Variants in THSD7A observed in about 807,000 individuals in gnomAD.
The protein encoded by THSD7A is thrombospondin type-1 domain-containing protein 7A.
A neutral mutation model predicts 231.3 loss-of-function variants in THSD7A; 96 were observed. That is an observed-to-expected ratio of 0.41 (90% CI 0.35 to 0.49). The LOEUF is 0.49. THSD7A is among the 20% of genes least tolerant of loss of function. THSD7A has a pLI of 0.05. For missense variants in THSD7A, 2,290 were observed against 2,070.2 expected (o/e 1.11, Z -2.06); for synonymous variants, 940 against 743.3 (o/e 1.26, Z -4.30).
chr7:11,629,141 C>A (rs1237209275), intron 2 of THSD7A, among the ~76,000 whole-genome samples: 4 of 152,130 alleles, frequency 2.6e-5, no homozygotes, highest in African/African-American at 9.7e-5. Flanking sequence ...TATACTGCTG[C>A]TTTCTCCCAT....
intron 19 of THSD7A, among the ~76,000 whole-genome samples, chr7:11,409,609 C>T (rs1342842009): frequency 2.0e-5 from 3 of 152,080 alleles, no homozygotes; most frequent in African/African-American, 7.2e-5. Context: ...TTTCGCAAAG[C>T]TCTCATTTAT....
At chr7:11,618,117 A>T (rs1781171488) in intron 2 of THSD7A, among the ~76,000 whole-genome samples, 1 of 152,230 alleles carries the variant, frequency 6.6e-6, no homozygotes, top group African/African-American at 2.4e-5. Flanking sequence ...ATGCCAATTC[A>T]TATGGACACT....
intron 1 of THSD7A, among the ~76,000 whole-genome samples, chr7:11,697,821 C>A (rs1028908841): frequency 6.6e-6 from 1 of 151,328 alleles, no homozygotes; most frequent in Non-Finnish European, 1.5e-5. Context: ...CACGCAGTTT[C>A]CATCCTTAGG....
chr7:11,629,920 A>G (rs117279359), intron 2 of THSD7A, among the ~76,000 whole-genome samples: 5,465 of 152,320 alleles, frequency 0.036, 133 homozygotes, highest in Non-Finnish European at 0.055. Flanking sequence ...TCTCTACCTC[A>G]TCATTGCCTA....
chr7:11,469,990 G>A lies in THSD7A; in HGVS notation c.2257C>T (p.Pro753Ser), dbSNP rs1344691689. The A allele has an allele frequency of 1.9e-6, 3 of 1,578,438 alleles. No homozygotes were observed. The highest frequency in any genetic ancestry group is 2.3e-5 in the South Asian group (2 of 86,356). The change falls in exon 9 of 28, where the codon CCT (proline) becomes TCT (serine). Residue 753 changes from proline (P) to serine (S), a missense_variant. Transcript: ENST00000423059. ...NVGQVGPKKCPESLRPETVRP... is the reference protein window; with the variant it reads ...NVGQVGPKKCSESLRPETVRP... ...ACAGTTTCAGGTCGAAGGCTTTCAG[G>A]ACATCTAGAAAGGCAAAGGGGAATT... is the stretch of plus-strand genomic sequence containing the variant.
chr7:11,786,071 T>A (rs1423387293), intron 1 of THSD7A, among the ~76,000 whole-genome samples: 2 of 151,250 alleles, frequency 1.3e-5, no homozygotes, highest in African/African-American at 4.9e-5. Context: ...ATTTGTTTTA[T>A]GAATCATTCC....
At chr7:11,402,163 A>G (rs1783428703) in intron 22 of THSD7A, among the ~76,000 whole-genome samples, 195 bp from the exon 23 acceptor site, 1 of 152,204 alleles carries the variant, frequency 6.6e-6, no homozygotes, top group Admixed American at 6.5e-5. Flanking sequence ...TATTTTCCGT[A>G]TGGCTATTAC....
intron 1 of THSD7A, among the ~76,000 whole-genome samples, chr7:11,681,645 C>T (rs1457584900): frequency 6.6e-6 from 1 of 151,792 alleles, no homozygotes; most frequent in Non-Finnish European, 1.5e-5. Flanking sequence ...CACTGACATT[C>T]CCAAGGGAGA....
At chr7:11,573,627 T>C (rs1018291059) in intron 4 of THSD7A, among the ~76,000 whole-genome samples, 2 of 152,182 alleles carry the variant, frequency 1.3e-5, no homozygotes, top group African/African-American at 2.4e-5. Context: ...TATTCTCTTA[T>C]GGATAGAAGC....
chr7:11,820,554 T>C (rs1485850180), intron 1 of THSD7A: 1 of 706,196 alleles, frequency 1.4e-6, no homozygotes, highest in Middle Eastern at 2.6e-4. Flanking sequence ...TTGAAAATCA[T>C]TGTTACTCTT....
At chr7:11,714,203 A>C (rs1278819233) in intron 1 of THSD7A, among the ~76,000 whole-genome samples, 7 of 151,220 alleles carry the variant, frequency 4.6e-5, no homozygotes, top group African/African-American at 1.7e-4. Context: ...ATAGTATAAT[A>C]AATTAATTAT....
rs946795707 is a variant in THSD7A at position 11,444,599 on chromosome 7, TCAGGG to T, written c.3064+1457_3064+1461del. Among the ~76,000 whole-genome samples the T allele has an allele frequency of 5.3e-5, 8 of 151,856 alleles. No homozygotes were observed. Among genetic ancestry groups the T allele is most frequent in the African/African-American group, 1.9e-4 (8 of 41,444 alleles). On this transcript the variant is annotated intron_variant, in intron 13 of 27. Transcript: ENST00000423059. This position sits in a 1 kb window ranked among gnomAD's most constrained non-coding sequence, Gnocchi z 4.2. The stretch of plus-strand genomic sequence containing the variant: ...GGGGAACATCACACACCGGGGTCTG[TCAGGG>T]GATGGGGGGCAGTGGAGGGATAGCA...
At chr7:11,707,055 A>T (rs1229717801) in intron 1 of THSD7A, among the ~76,000 whole-genome samples, 3 of 150,870 alleles carry the variant, frequency 2.0e-5, no homozygotes, top group African/African-American at 7.3e-5. Flanking sequence ...TTAAATATAA[A>T]AAGGAATGAG....
At chr7:11,786,456 C>T (rs966209238) in intron 1 of THSD7A, among the ~76,000 whole-genome samples, 1 of 152,014 alleles carries the variant, frequency 6.6e-6, no homozygotes, top group Non-Finnish European at 1.5e-5. Context: ...CCTGGTGGAG[C>T]AGCACTGTCT....
chr7:11,734,825 G>C (rs748939500), intron 1 of THSD7A, among the ~76,000 whole-genome samples: 7 of 151,868 alleles, frequency 4.6e-5, no homozygotes, highest in Non-Finnish European at 7.4e-5. Flanking sequence ...CAGAAAAAGG[G>C]AGAAAGTAAT....
At position 11,831,887 on chromosome 7, in the gene THSD7A, C is replaced by A; in HGVS notation, c.60G>T (p.Arg20=). Residue 20 remains arginine (R), a synonymous_variant, in exon 1 of 28, where the codon CGG becomes CGT. Coordinates refer to ENST00000423059, the MANE Select transcript of THSD7A (RefSeq NM_015204.3). The surrounding 1 kb of genome is among the most constrained non-coding windows in gnomAD (Gnocchi z 5.0). The part of the protein sequence containing the change: ...SGSRGAAGPR[R]GVLQLLPLPL... ...GCAGCGGCAGCAGCTGCAGGACGCC[C>A]CGGCGCGGCCCCGCAGCGCCCCGGC... The A allele has an allele frequency of 1.6e-6, 2 of 1,247,860 alleles. No homozygotes were observed. Among genetic ancestry groups the A allele is most frequent in the Non-Finnish European group, 2.0e-6 (2 of 1,000,544 alleles). 77.3% of individuals were successfully genotyped at this position (1,247,860 alleles called of 1,614,324 possible). A position where few individuals can be genotyped will look rare whatever the true frequency, so the allele number is the denominator to read the frequency against.
chr7:11,805,230 C>T (rs1033759023), intron 1 of THSD7A, among the ~76,000 whole-genome samples: 15 of 152,132 alleles, frequency 9.9e-5, no homozygotes, highest in Non-Finnish European at 2.1e-4. Context: ...TACTTCTTCT[C>T]ATTCCAAAGG....
At chr7:11,412,480 TA>T (rs145407573) in intron 18 of THSD7A, among the ~76,000 whole-genome samples, 175 bp downstream of exon 18, 2,518 of 148,548 alleles carry the variant, frequency 0.017, 80 homozygotes, top group African/African-American at 0.058. Flanking sequence ...TAGTGTTTAC[TA>T]AAAAAAAAAC....
At chr7:11,638,647 AC>A (rs1021263041) in intron 1 of THSD7A, among the ~76,000 whole-genome samples, 77 of 152,232 alleles carry the variant, frequency 5.1e-4, no homozygotes, top group African/African-American at 1.8e-3. Flanking sequence ...GTTTGCATGT[AC>A]AAAATTATAA....
Sources: allele counts gnomAD v4.1 joint callset (sites outside exome capture counted in the v4.1 genomes callset), GRCh38; gene constraint gnomAD v4.1.1; non-coding constraint Gnocchi (gnomAD v3.1); transcripts MANE v1.5; gene names NCBI Gene and HGNC (gene_info 2026-07-23, HGNC 2026-07-21).